NRXN1: variants seen among roughly 807,000 people sequenced by gnomAD.
NRXN1 encodes the protein neurexin-1.
Under a neutral mutation model 150.9 loss-of-function variants are expected in NRXN1, and 39 were observed. The ratio of observed to expected loss-of-function variants is 0.26; its 90% CI spans 0.20 to 0.34. NRXN1 has a LOEUF of 0.34. Among genes scored for constraint, NRXN1 ranks in the 10% least tolerant of loss-of-function variants. The pLI, the probability that NRXN1 is intolerant of heterozygous loss-of-function variation, is 1.00. For missense variants in NRXN1, 1,815 were observed against 1,949.9 expected, an observed-to-expected ratio of 0.93 and a Z score of 1.30; for synonymous variants, 924 against 757.0, an observed-to-expected ratio of 1.22 and a Z score of -3.62.
intron 12 of NRXN1, among the ~76,000 whole-genome samples, chr2:50,519,461 A>T (rs1432309221): frequency 6.6e-6 from 1 of 151,964 alleles, no homozygotes; most frequent in Non-Finnish European, 1.5e-5. Context: ...TGCTCCAGGA[A>T]ATGTTCTAAA....
At position 50,544,962 on chromosome 2, in the gene NRXN1, C is replaced by T. The variant is rs550389321; in HGVS notation, c.1760-6326G>A. Reference sequence around the variant, plus strand: ...GCTATCTTTAAGTTTTTTTGTTACACAGTAATTGGTAAACTATAATCTTGA... The same window carrying T: ...GCTATCTTTAAGTTTTTTTGTTACATAGTAATTGGTAAACTATAATCTTGA... On this transcript the variant is annotated intron_variant, in intron 9 of 22. Coordinates refer to ENST00000401669, the MANE Select transcript of NRXN1 (RefSeq NM_001330078.2). Among the ~76,000 whole-genome samples the T allele has an allele frequency of 2.0e-4, 31 of 152,112 alleles. 1 individual carries two copies. The South Asian group carries it at 6.0e-3, about 30-fold the overall frequency.
At chr2:50,584,645 T>G (rs2103702798) in intron 8 of NRXN1, among the ~76,000 whole-genome samples, 1 of 152,192 alleles carries the variant, frequency 6.6e-6, no homozygotes, top group Non-Finnish European at 1.5e-5. Flanking sequence ...GAAGAGCAGG[T>G]TTTCTCCTCA....
At chr2:50,149,090 G>C (rs935072462) in intron 18 of NRXN1, among the ~76,000 whole-genome samples, 20 of 151,788 alleles carry the variant, frequency 1.3e-4, no homozygotes, top group African/African-American at 4.8e-4. Flanking sequence ...TACAGCAGCA[G>C]AGAGGGAAGG....
At chr2:50,716,030 A>C (rs1695827262) in intron 5 of NRXN1, among the ~76,000 whole-genome samples, 1 of 152,164 alleles carries the variant, frequency 6.6e-6, no homozygotes, top group African/African-American at 2.4e-5. Context: ...AGTCCCAACA[A>C]ATCTAGGGAG....
intron 13 of NRXN1, among the ~76,000 whole-genome samples, chr2:50,499,947 CAA>C (rs34753485): frequency 9.4e-4 from 82 of 87,682 alleles, no homozygotes; most frequent in Admixed American, 1.6e-3. Context: ...GACTCCATCT[CAA>C]AAAAAAAAAA....
intron 15 of NRXN1, among the ~76,000 whole-genome samples, chr2:50,487,802 T>C (rs1267915825): frequency 1.3e-5 from 2 of 152,232 alleles, no homozygotes; most frequent in African/African-American, 2.4e-5. Context: ...GATGTCAGCC[T>C]GGGCCCCTTT....
intron 22 of NRXN1, chr2:49,926,440 A>G (rs918792826): frequency 1.5e-5 from 6 of 397,968 alleles, no homozygotes; most frequent in Admixed American, 8.8e-5. Context: ...TTGTTGTCTA[A>G]TATGTATTGT....
intron 2 of NRXN1, among the ~76,000 whole-genome samples, chr2:50,966,946 A>T (rs1338490107): frequency 6.6e-6 from 1 of 151,912 alleles, no homozygotes; most frequent in African/African-American, 2.4e-5. Flanking sequence ...ATATATTCAA[A>T]CTGCAGGCTT....
chr2:50,683,646 A>AAAATATATATATATATATATATATAT, intron 5 of NRXN1, among the ~76,000 whole-genome samples: 1 of 14,910 alleles, frequency 6.7e-5, no homozygotes, highest in Non-Finnish European at 1.1e-4. Flanking sequence ...AAAAAAAAAA[A>AAAATATATATATATATATATATATAT]ATATATATAT....
intron 18 of NRXN1, among the ~76,000 whole-genome samples, chr2:50,154,572 G>C (rs1479633752): frequency 6.6e-6 from 1 of 151,652 alleles, no homozygotes; most frequent in Non-Finnish European, 1.5e-5. Flanking sequence ...TCAACTGTGA[G>C]TGATGTGAGA....
intron 5 of NRXN1, among the ~76,000 whole-genome samples, chr2:50,634,002 A>C (rs148328906): frequency 6.6e-4 from 101 of 152,280 alleles, no homozygotes; most frequent in Non-Finnish European, 1.2e-3. Flanking sequence ...CTGGACAAAG[A>C]ATAGAAAGAA....
At chr2:49,926,488 C>A (rs1195839370) in intron 22 of NRXN1, 2 of 396,400 alleles carry the variant, frequency 5.0e-6, no homozygotes, top group East Asian at 7.2e-5. Flanking sequence ...AATGTTTGGA[C>A]AGTTAGTAAC....
chr2:50,335,412 AT>A (rs1408939422), intron 17 of NRXN1, among the ~76,000 whole-genome samples: 1 of 152,154 alleles, frequency 6.6e-6, no homozygotes, highest in East Asian at 1.9e-4. Flanking sequence ...CGCAACTGTA[AT>A]CCAGCCAGGT....
At chr2:50,253,070 G>A (rs1367141652) in intron 17 of NRXN1, among the ~76,000 whole-genome samples, 2 of 152,028 alleles carry the variant, frequency 1.3e-5, no homozygotes, top group African/African-American at 4.8e-5. Flanking sequence ...ATTTGTTTGT[G>A]TCCTTTCTTG....
intron 5 of NRXN1, among the ~76,000 whole-genome samples, chr2:50,766,599 T>C (rs1425505569): frequency 6.6e-6 from 1 of 152,044 alleles, no homozygotes; most frequent in Non-Finnish European, 1.5e-5. Flanking sequence ...CAATGGTGTA[T>C]GCTGGGATTA....
At chr2:50,760,563 G>A (rs1701690165) in intron 5 of NRXN1, among the ~76,000 whole-genome samples, 1 of 151,694 alleles carries the variant, frequency 6.6e-6, no homozygotes, top group Non-Finnish European at 1.5e-5. Flanking sequence ...CTTTTCTACT[G>A]CCACTCCTTT....
intron 21 of NRXN1, among the ~76,000 whole-genome samples, chr2:49,987,840 T>C (rs1028339530): frequency 1.3e-4 from 20 of 152,118 alleles, no homozygotes; most frequent in African/African-American, 4.6e-4. Flanking sequence ...ATTTTTTTCC[T>C]ATAAAATTTA....
chr2:50,572,745 G>T (rs980203107), intron 8 of NRXN1, among the ~76,000 whole-genome samples: 18 of 152,158 alleles, frequency 1.2e-4, no homozygotes, highest in African/African-American at 3.1e-4. Context: ...AAAGGCCAGA[G>T]AATTAGAAGT....
At chr2:50,741,436 C>T (rs1217137297) in intron 5 of NRXN1, among the ~76,000 whole-genome samples, 1 of 152,142 alleles carries the variant, frequency 6.6e-6, no homozygotes, top group Non-Finnish European at 1.5e-5. Flanking sequence ...GCTCCTAATA[C>T]AAGAAAAGAA....
Sources: gnomAD v4.1 joint callset for allele counts (sites outside exome capture counted in the v4.1 genomes callset) on GRCh38, gnomAD v4.1.1 for gene constraint, MANE v1.5 for transcripts, NCBI Gene and HGNC (gene_info 2026-07-23, HGNC 2026-07-21) for gene names.